The following CUL2 variants were observed in gnomAD, a reference collection of about 807,000 sequenced individuals.
CUL2 encodes cullin-2.
Under a neutral mutation model 110.2 loss-of-function variants are expected in CUL2, and 22 were observed. That is an observed-to-expected ratio of 0.20 (90% CI 0.14 to 0.28). The LOEUF (loss-of-function observed/expected upper bound fraction) is 0.28. Ranked by LOEUF, CUL2 falls within the 10% of genes least tolerant of loss-of-function variation. The probability of loss-of-function intolerance (pLI) is 1.00; values close to 1 mark genes in which losing one functional copy is unlikely to be tolerated. For missense variants in CUL2, 631 were observed against 905.5 expected (o/e 0.70, Z 3.89); for synonymous variants, 279 against 293.2 (o/e 0.95, Z 0.49).
At chr10:35,011,575 G>A (rs376524340) in intron 20 of CUL2, among the ~76,000 whole-genome samples, 9 of 152,008 alleles carry the variant, frequency 5.9e-5, no homozygotes, top group African/African-American at 2.2e-4. Context: ...CCAAGATCAC[G>A]CCACTGTACT....
intron 1 of CUL2, among the ~76,000 whole-genome samples, chr10:35,075,680 ACACG>A (rs1326568063): frequency 4.3e-5 from 6 of 138,778 alleles, no homozygotes; most frequent in East Asian, 2.2e-4. Context: ...ACACACACAC[ACACG>A]CACGCTCCAC....
intron 1 of CUL2, among the ~76,000 whole-genome samples, chr10:35,077,947 TAA>T (rs2086861353): frequency 1.3e-5 from 2 of 152,112 alleles, no homozygotes. Flanking sequence ...TAAGGATGAA[TAA>T]AAGGGACATG....
chr10:35,049,500 AAAG>A (rs10539398), intron 6 of CUL2, among the ~76,000 whole-genome samples, 180 bp downstream of exon 6: 55,491 of 151,286 alleles, frequency 0.37, 10,245 homozygotes, highest in African/African-American at 0.42. Flanking sequence ...AAAAAAAAAG[AAAG>A]AAGAAGAAGA....
intron 1 of CUL2, among the ~76,000 whole-genome samples, chr10:35,077,903 C>A (rs1183229849): frequency 6.6e-6 from 1 of 151,646 alleles, no homozygotes; most frequent in Non-Finnish European, 1.5e-5. Context: ...ATCTGCTTCA[C>A]AATTAAACAG....
At chr10:35,033,306 T>C (rs1353958799) in intron 10 of CUL2, 33 bp from the exon 11 acceptor site, 1 of 1,438,430 alleles carries the variant, frequency 7.0e-7, no homozygotes, top group Admixed American at 1.7e-5. Flanking sequence ...AAACCACATT[T>C]TAAGAGGTTC....
upstream of CUL2, among the ~76,000 whole-genome samples, chr10:35,093,979 A>G (rs552825402): frequency 1.3e-5 from 2 of 152,212 alleles, no homozygotes; most frequent in South Asian, 4.1e-4. Context: ...TTTTAAAATT[A>G]ATCAGTAATT....
At chr10:35,081,537 G>T (rs13377158) in intron 1 of CUL2, among the ~76,000 whole-genome samples, 51,736 of 152,036 alleles carry the variant, frequency 0.34, 8,836 homozygotes, top group South Asian at 0.35. Context: ...CAAGCCCATC[G>T]TGTATGAATA....
At chr10:35,082,134 G>GAA (rs57996012) in intron 1 of CUL2, among the ~76,000 whole-genome samples, 2 of 139,604 alleles carry the variant, frequency 1.4e-5, no homozygotes, top group African/African-American at 5.3e-5. Context: ...CATCTTGACT[G>GAA]AAAAAAAAAA....
chr10:35,012,060 T>A, intron 19 of CUL2, 96 bp from the exon 20 acceptor site: 1 of 716,500 alleles, frequency 1.4e-6, no homozygotes, highest in Non-Finnish European at 2.2e-6. Flanking sequence ...ATACTTTTTT[T>A]TTTTTTTTTT....
At chr10:35,041,606 C>T (rs188309213) in intron 8 of CUL2, among the ~76,000 whole-genome samples, 231 of 152,302 alleles carry the variant, frequency 1.5e-3, no homozygotes, top group Non-Finnish European at 2.7e-3. Context: ...GGTGCAATCT[C>T]GGCTCACTGC....
At chr10:35,110,942 C>T (rs2087516841) in intron 1 of CUL2, among the ~76,000 whole-genome samples, 1 of 152,168 alleles carries the variant, frequency 6.6e-6, no homozygotes, top group Admixed American at 6.5e-5. Flanking sequence ...CAGCCCATAA[C>T]AGAAGTCAAG....
At position 35,038,996 on chromosome 10, in the gene CUL2, T is replaced by C. The variant is rs2134764672; in HGVS notation, c.801A>G (p.Gln267=). 5.6e-6 allele frequency: 9 copies of C among 1,610,208 alleles called. No homozygotes were observed. Among genetic ancestry groups the C allele is most frequent in the Non-Finnish European group, 6.8e-6 (8 of 1,177,534 alleles). The change falls in exon 9 of 21, where the codon CAA becomes CAG. Residue 267 remains glutamine, a synonymous_variant. Transcript: ENST00000374749. Reference sequence around the variant, plus strand: ...GTAAGTGGTCTGCTACCATTCGTTGTTGACATTCATGAATCACCTTAGTAT... The same window carrying C: ...GTAAGTGGTCTGCTACCATTCGTTGCTGACATTCATGAATCACCTTAGTAT... ...SSYTKVIHEC[Q]QRMVADHLQF... is the part of the protein sequence containing the mutation.
chr10:35,044,248 C>T (rs1245005876), intron 8 of CUL2, among the ~76,000 whole-genome samples: 1 of 151,966 alleles, frequency 6.6e-6, no homozygotes, highest in East Asian at 1.9e-4. Context: ...AAACTAACCA[C>T]TAAGCATGAA....
intron 1 of CUL2, among the ~76,000 whole-genome samples, chr10:35,123,111 C>T (rs1469744347): frequency 6.6e-6 from 1 of 152,056 alleles, no homozygotes; most frequent in African/African-American, 2.4e-5. Flanking sequence ...GCACTCCAGC[C>T]AGGGTGACAG....
intron 2 of CUL2, among the ~76,000 whole-genome samples, chr10:35,067,647 G>C (rs1368593546): frequency 6.6e-6 from 1 of 151,746 alleles, no homozygotes; most frequent in African/African-American, 2.4e-5. Flanking sequence ...GGGAGGATGA[G>C]GCATGAGAAT....
chr10:35,080,755 T>C (rs1024827354), intron 1 of CUL2, among the ~76,000 whole-genome samples: 1 of 152,090 alleles, frequency 6.6e-6, no homozygotes, highest in African/African-American at 2.4e-5. Flanking sequence ...GCACCCAGCC[T>C]AGAATTTCTA....
At chr10:35,042,899 G>A (rs2085831630) in intron 8 of CUL2, among the ~76,000 whole-genome samples, 1 of 152,076 alleles carries the variant, frequency 6.6e-6, no homozygotes, top group African/African-American at 2.4e-5. Context: ...CTGGGGGTGT[G>A]CAGGGCAGTC....
intron 9 of CUL2, among the ~76,000 whole-genome samples, chr10:35,036,331 A>C (rs563222182): frequency 6.6e-6 from 1 of 152,182 alleles, no homozygotes; most frequent in Non-Finnish European, 1.5e-5. Context: ...ATACTGTACT[A>C]TTCTACAGTA....
At chr10:35,035,500 T>C (rs866959999) in intron 9 of CUL2, among the ~76,000 whole-genome samples, 5 of 152,236 alleles carry the variant, frequency 3.3e-5, no homozygotes, top group African/African-American at 1.2e-4. Flanking sequence ...CAAAGATATT[T>C]TGTGCAAATT....
Sources: gnomAD v4.1 joint callset for allele counts (sites outside exome capture counted in the v4.1 genomes callset) on GRCh38, gnomAD v4.1.1 for gene constraint, MANE v1.5 for transcripts, NCBI Gene and HGNC (gene_info 2026-07-23, HGNC 2026-07-21) for gene names.